The following SCP2 variants were observed in gnomAD, a reference collection of about 807,000 sequenced individuals.
SCP2 encodes sterol carrier protein 2, also known as SCP-2/3-oxoacyl-CoA thiolase.
Under a neutral mutation model 71.4 loss-of-function variants are expected in SCP2, and 48 were observed. The ratio of observed to expected loss-of-function variants is 0.67; its 90% CI spans 0.53 to 0.86. SCP2 has a LOEUF of 0.86. Ranked by LOEUF, SCP2 falls within the 40% of genes least tolerant of loss-of-function variation. The pLI is 0.00. For missense variants in SCP2, 560 were observed against 655.6 expected (o/e 0.85, Z 1.59); for synonymous variants, 220 against 218.1 (o/e 1.01, Z -0.08).
intron 14 of SCP2, among the ~76,000 whole-genome samples, chr1:53,042,509 A>G (rs1320878448): frequency 6.6e-6 from 1 of 152,094 alleles, no homozygotes; most frequent in Non-Finnish European, 1.5e-5. Context: ...TGTACCCCAG[A>G]CCCCAAGGGA....
intron 11 of SCP2, among the ~76,000 whole-genome samples, chr1:53,011,918 A>C (rs1201073924): frequency 2.6e-5 from 4 of 152,058 alleles, no homozygotes; most frequent in Admixed American, 6.6e-5. Context: ...AAAACAATAC[A>C]CCAAAATAAA....
rs184963123 is a variant in SCP2 at position 52,971,149 on chromosome 1, T to C, written c.524-3620T>C. Among the ~76,000 whole-genome samples the C allele has an allele frequency of 2.0e-5, 3 of 151,970 alleles. No homozygotes were observed. In the East Asian group the frequency reaches 5.8e-4, roughly 29 times the overall value. ...CGCCACCACGCCTGGCTAATTTTTC[T>C]GTATTTTTAGTAGAGACGGGGTTTC... On this transcript the variant is annotated intron_variant, in intron 6 of 15. Coordinates refer to ENST00000371514, the MANE Select transcript of SCP2 (RefSeq NM_002979.5).
chr1:52,943,868 G>T, intron 2 of SCP2: 1 of 448,948 alleles, frequency 2.2e-6, no homozygotes, highest in Non-Finnish European at 4.5e-6. Flanking sequence ...AGCTTTTATA[G>T]CCAGTTGCTT....
chr1:52,929,861 G>C (rs1652975970), intron 1 of SCP2, among the ~76,000 whole-genome samples: 1 of 152,168 alleles, frequency 6.6e-6, no homozygotes, highest in African/African-American at 2.4e-5. Context: ...CAGATCTCGT[G>C]ATCCACCCGC....
chr1:53,008,386 T>C (rs1660768798), intron 11 of SCP2, among the ~76,000 whole-genome samples: 1 of 152,168 alleles, frequency 6.6e-6, no homozygotes, highest in Non-Finnish European at 1.5e-5. Flanking sequence ...CTCAATAAAA[T>C]ACTGGCAAAC....
rs533985770 is a variant in SCP2 at position 52,998,373 on chromosome 1, A to G, written c.1081+10237A>G. On this transcript the variant is annotated intron_variant, in intron 11 of 15. Coordinates refer to ENST00000371514, the MANE Select transcript of SCP2 (RefSeq NM_002979.5). Reference sequence around the variant, plus strand: ...CACTTTGGGAGGCTGAGGTGGGAGGATTGCTTGAAGCCAGGAATTTGAGAC... The same window carrying G: ...CACTTTGGGAGGCTGAGGTGGGAGGGTTGCTTGAAGCCAGGAATTTGAGAC... 2.0e-5 allele frequency among the ~76,000 whole-genome samples: 3 copies of G among 152,300 alleles called. No individual in the cohort carries two copies. The South Asian group carries it at 6.2e-4, about 32-fold the overall frequency.
At chr1:53,005,950 G>A (rs1219936983) in intron 11 of SCP2, among the ~76,000 whole-genome samples, 1 of 152,196 alleles carries the variant, frequency 6.6e-6, no homozygotes, top group African/African-American at 2.4e-5. Flanking sequence ...TGATGGAGCT[G>A]AAAACCATGG....
At chr1:52,961,451 A>C in intron 5 of SCP2, 52 bp from the exon 6 acceptor site, 1 of 1,599,494 alleles carries the variant, frequency 6.3e-7, no homozygotes, top group Non-Finnish European at 8.6e-7. Flanking sequence ...GTAGTTTTGA[A>C]AGAGACACTT....
intron 11 of SCP2, among the ~76,000 whole-genome samples, chr1:53,003,916 G>T (rs549886155): frequency 6.6e-6 from 1 of 152,068 alleles, no homozygotes; most frequent in African/African-American, 2.4e-5. Context: ...TTCCCTTAAA[G>T]TTGGGAACTT....
chr1:52,961,937 C>A (rs1385398475), intron 6 of SCP2, among the ~76,000 whole-genome samples: 1 of 152,124 alleles, frequency 6.6e-6, no homozygotes, highest in Non-Finnish European at 1.5e-5. Context: ...GGGTTTCACT[C>A]TGTTATGCAG....
intron 3 of SCP2, among the ~76,000 whole-genome samples, chr1:52,949,862 C>T (rs1214733677): frequency 6.6e-6 from 1 of 152,126 alleles, no homozygotes; most frequent in African/African-American, 2.4e-5. Flanking sequence ...TAGCACAGGT[C>T]TTTGAATAAA....
chr1:52,976,802 G>A (rs764625431), intron 8 of SCP2, 33 bp downstream of exon 8: 2 of 1,072,482 alleles, frequency 1.9e-6, no homozygotes, highest in Non-Finnish European at 1.5e-6. Flanking sequence ...TTTAATGAGG[G>A]AAGTAACTGC....
chr1:52,995,450 T>C, intron 11 of SCP2: 1 of 439,256 alleles, frequency 2.3e-6, no homozygotes, highest in East Asian at 5.3e-5. Flanking sequence ...CCTGGCCAGC[T>C]CAATGCTGAC....
chr1:53,008,743 C>T (rs896638488), intron 11 of SCP2, among the ~76,000 whole-genome samples: 1 of 152,170 alleles, frequency 6.6e-6, no homozygotes, highest in Non-Finnish European at 1.5e-5. Context: ...CCTCTCTCAC[C>T]ACTCCTATTC....
chr1:52,976,755 T>A lies in SCP2; in HGVS notation c.660T>A (p.Thr220=). Residue 220 remains threonine (T), a synonymous_variant, in exon 8 of 16, where the codon ACT becomes ACA. Transcript: ENST00000371514. ...MASKEVFDFL[T]ILQCCPTSDG... is the part of the protein sequence containing the mutation. ...CTAAAGAAGTTTTTGATTTTTTGACTATCTTACAATGTTGGTAAGAAAAAT... is the reference window on the plus strand; with the variant it reads ...CTAAAGAAGTTTTTGATTTTTTGACAATCTTACAATGTTGGTAAGAAAAAT... 2 of 1,482,508 alleles carry A rather than the reference T, an allele frequency of 1.3e-6. No individual in the cohort carries two copies. Among genetic ancestry groups the A allele is most frequent in the Non-Finnish European group, 1.9e-6 (2 of 1,060,624 alleles). The allele number at this position is 1,482,508 out of a possible 1,614,324, so 91.8% of individuals were successfully genotyped here.
At chr1:52,936,362 C>A (rs1243669305) in intron 1 of SCP2, among the ~76,000 whole-genome samples, 1 of 152,200 alleles carries the variant, frequency 6.6e-6, no homozygotes, top group Non-Finnish European at 1.5e-5. Flanking sequence ...GTTTGAGAAT[C>A]GCTGGATGTA....
chr1:52,948,731 G>A (rs1419678723), intron 3 of SCP2, among the ~76,000 whole-genome samples: 1 of 149,880 alleles, frequency 6.7e-6, no homozygotes, highest in African/African-American at 2.5e-5. Flanking sequence ...TCTTTTCACA[G>A]AATTTAAAAA....
Position 53,015,044 on chromosome 1 carries a change from G to C in SCP2, c.1235+1G>C, listed in dbSNP as rs1661240460. 6.2e-7 allele frequency: 1 copy of C among 1,613,894 alleles called. No homozygotes were observed. The highest frequency in any genetic ancestry group is 8.5e-7 in the Non-Finnish European group (1 of 1,179,874). ...AGATGGGTTTTCCGGAAGCCGCCAG[G>C]TGAGTGACATTCAGAGTTTTGTGTG... On this transcript the variant is annotated splice_donor_variant, in intron 12 of 15. Transcript: ENST00000371514. LOFTEE classifies it high-confidence loss of function.
intron 11 of SCP2, chr1:52,995,021 A>T (rs1300831685): frequency 3.9e-6 from 2 of 507,086 alleles, no homozygotes; most frequent in African/African-American, 2.0e-5. Flanking sequence ...GGGGCAGGCA[A>T]CAACTGGGCC....
Sources: gnomAD v4.1 joint callset for allele counts (sites outside exome capture counted in the v4.1 genomes callset) on GRCh38, gnomAD v4.1.1 for gene constraint, MANE v1.5 for transcripts, NCBI Gene and HGNC (gene_info 2026-07-23, HGNC 2026-07-21) for gene names.